ZNF765: variants seen among roughly 807,000 people sequenced by gnomAD.
The protein encoded by ZNF765 is zinc finger protein 765.
A neutral mutation model predicts 44.7 loss-of-function variants in ZNF765; 37 were observed. The ratio of observed to expected loss-of-function variants is 0.83; its 90% CI spans 0.64 to 1.09. The LOEUF (loss-of-function observed/expected upper bound fraction) is 1.09. ZNF765 is among the 50% of genes least tolerant of loss of function. The pLI, the probability that ZNF765 is intolerant of heterozygous loss-of-function variation, is 0.00. For synonymous variants in ZNF765, 201 were observed against 213.7 expected (o/e 0.94, Z 0.52); for missense variants, 594 against 626.1 (o/e 0.95, Z 0.55).
downstream of ZNF765, among the ~76,000 whole-genome samples, chr19:53,412,848 T>C (rs1458225933): frequency 6.6e-6 from 1 of 152,034 alleles, no homozygotes; most frequent in Non-Finnish European, 1.5e-5. Context: ...AAAATTAACC[T>C]TGTTTGTGCC....
intron 2 of ZNF765, among the ~76,000 whole-genome samples, chr19:53,398,829 A>C (rs1336488327): frequency 6.6e-6 from 1 of 152,136 alleles, no homozygotes; most frequent in Non-Finnish European, 1.5e-5. Flanking sequence ...GGCTCACAGC[A>C]ACCTCCACCT....
intron 1 of ZNF765, 137 bp from the exon 2 acceptor site, chr19:53,397,806 G>A: frequency 1.1e-6 from 1 of 894,896 alleles, no homozygotes; most frequent in South Asian, 1.9e-5. Context: ...TCCTGTAGGA[G>A]TTTATTGTCC....
At position 53,410,508 on chromosome 19, in the gene ZNF765, A is replaced by G. The variant is rs1046911421; in HGVS notation, c.*1381A>G. 5.0e-6 allele frequency: 2 copies of G among 397,966 alleles called. No homozygotes were observed. The highest frequency in any genetic ancestry group is 1.0e-5 in the Non-Finnish European group (2 of 198,134). 24.7% of individuals were successfully genotyped at this position (397,966 alleles called of 1,614,324 possible). On this transcript the variant is annotated 3_prime_UTR_variant, in exon 4 of 4. Coordinates refer to ENST00000396408, the MANE Select transcript of ZNF765 (RefSeq NM_001040185.3). ...ATTCACATTGGAGAGAAAGCTTACA[A>G]GTATAATGAATGTGACAGGTCTTTA...
In ZNF765 at chr19:53,409,747, A is replaced by AT. The variant is rs2085815905; in HGVS notation, c.*621dup. The AT allele has an allele frequency of 1.1e-6, 1 of 900,712 alleles. No individual in the cohort carries two copies. The highest frequency in any genetic ancestry group is 1.8e-6 in the Non-Finnish European group (1 of 543,816). The allele number at this position is 900,712 out of a possible 1,614,324, so 55.8% of individuals were successfully genotyped here. ...CCTTTAGTCAGAACTCATACCTTAC[A>AT]TGCCATCATAGACTTCATACTGGAG... is the stretch of plus-strand genomic sequence containing the variant. On this transcript the variant is annotated 3_prime_UTR_variant, in exon 4 of 4. Transcript: ENST00000396408.
chr19:53,421,032 G>T (rs1311645886), intron 3 of ZNF765, among the ~76,000 whole-genome samples: 3 of 152,140 alleles, frequency 2.0e-5, no homozygotes, highest in African/African-American at 7.2e-5. Context: ...CTCATCCCTG[G>T]GAATGGAATG....
chr19:53,413,102 C>T (rs182947541), downstream of ZNF765: 1,382 of 367,540 alleles, frequency 3.8e-3, 17 homozygotes, highest in African/African-American at 0.034. Context: ...AAGAGCGAAA[C>T]TTTGTCTCAA....
At chr19:53,396,020 A>C (rs1386446444) in intron 1 of ZNF765, among the ~76,000 whole-genome samples, 1 of 151,860 alleles carries the variant, frequency 6.6e-6, no homozygotes, top group Non-Finnish European at 1.5e-5. Flanking sequence ...AAGGAGGAGA[A>C]AAGCAACTGG....
chr19:53,409,494 C>T lies in ZNF765; in HGVS notation c.*367C>T. Reference sequence around the variant, plus strand: ...GCAAGACCTTCAGCCAGACCTCATCCCTTACATGCCATTGTAGACTTCGTA... The same window carrying T: ...GCAAGACCTTCAGCCAGACCTCATCTCTTACATGCCATTGTAGACTTCGTA... On this transcript the variant is annotated 3_prime_UTR_variant, in exon 4 of 4. Transcript: ENST00000396408. 2 of 950,420 alleles carry T rather than the reference C, an allele frequency of 2.1e-6. No individual in the cohort carries two copies. The highest frequency in any genetic ancestry group is 3.4e-6 in the Non-Finnish European group (2 of 580,952). The allele number at this position is 950,420 out of a possible 1,614,324, so 58.9% of individuals were successfully genotyped here.
At chr19:53,407,165 A>G (rs2147096513) in intron 3 of ZNF765, among the ~76,000 whole-genome samples, 1 of 152,208 alleles carries the variant, frequency 6.6e-6, no homozygotes, top group Non-Finnish European at 1.5e-5. Context: ...AAAATTTGGG[A>G]CTAAAAAAGA....
chr19:53,413,600 GTTTTT>G (rs61360964), downstream of ZNF765, among the ~76,000 whole-genome samples: 4 of 138,798 alleles, frequency 2.9e-5, no homozygotes, highest in Non-Finnish European at 4.6e-5. Context: ...TGCTTTTTAG[GTTTTT>G]TTTTTTTTTT....
chr19:53,402,326 G>T (rs1228673807), intron 3 of ZNF765, 135 bp downstream of exon 3: 5 of 1,433,646 alleles, frequency 3.5e-6, no homozygotes, highest in Non-Finnish European at 4.6e-6. Context: ...GCATGATCTC[G>T]GCTCACGGCC....
chr19:53,426,880 G>C (rs2085943012), exon 4 of ZNF765: 1 of 151,798 alleles, frequency 6.6e-6, no homozygotes, highest in South Asian at 2.1e-4. Flanking sequence ...ACGTGGTTGA[G>C]AAGCATCAGA....
At chr19:53,419,063 A>C (rs2085892316) in intron 3 of ZNF765, among the ~76,000 whole-genome samples, 1 of 152,150 alleles carries the variant, frequency 6.6e-6, no homozygotes, top group Non-Finnish European at 1.5e-5. Context: ...TGGGGACTGT[A>C]GACCCTATAC....
Position 53,409,872 on chromosome 19 carries a change from A to T in ZNF765, c.*745A>T, listed in dbSNP as rs2085817445. 3.0e-6 allele frequency: 2 copies of T among 656,610 alleles called. No individual in the cohort carries two copies. The highest frequency in any genetic ancestry group is 6.8e-5 in the East Asian group (2 of 29,436). The allele number at this position is 656,610 out of a possible 1,614,324, so 40.7% of individuals were successfully genotyped here. A position where few individuals can be genotyped will look rare whatever the true frequency, so the allele number is the denominator to read the frequency against. On this transcript the variant is annotated 3_prime_UTR_variant, in exon 4 of 4. Coordinates refer to ENST00000396408, the MANE Select transcript of ZNF765 (RefSeq NM_001040185.3). ...CATACTGGAGAGGTACCTTACAAGGATAATGAGTGTAGAAAAACCTTTCAT... is the reference window on the plus strand; with the variant it reads ...CATACTGGAGAGGTACCTTACAAGGTTAATGAGTGTAGAAAAACCTTTCAT...
Position 53,409,829 on chromosome 19 carries a change from A to C in ZNF765, c.*702A>C. ...GACCTTTAGTCTGAAGTCATACCTT[A>C]CGCACCATCGTAGACTTCATACTGG... is the stretch of plus-strand genomic sequence containing the variant. On this transcript the variant is annotated 3_prime_UTR_variant, in exon 4 of 4. Coordinates refer to ENST00000396408, the MANE Select transcript of ZNF765 (RefSeq NM_001040185.3). The C allele has an allele frequency of 1.4e-6, 1 of 701,868 alleles. No homozygotes were observed. The highest frequency in any genetic ancestry group is 2.7e-6 in the Non-Finnish European group (1 of 374,926). 43.5% of individuals were successfully genotyped at this position (701,868 alleles called of 1,614,324 possible).
chr19:53,423,610 G>A (rs1454966620), exon 4 of ZNF765: 7 of 279,628 alleles, frequency 2.5e-5, no homozygotes, highest in Non-Finnish European at 4.2e-5. Flanking sequence ...AATGATCAGT[G>A]CAGGTTTCCC....
chr19:53,397,797 CCT>C (rs2085685516), intron 1 of ZNF765, 144 bp from the exon 2 acceptor site: 1 of 833,196 alleles, frequency 1.2e-6, no homozygotes, highest in African/African-American at 1.7e-5. Flanking sequence ...TGGGAGTTTT[CCT>C]GTAGGAGTTT....
At chr19:53,403,346 T>C (rs534880803) in intron 3 of ZNF765, among the ~76,000 whole-genome samples, 3 of 152,328 alleles carry the variant, frequency 2.0e-5, no homozygotes, top group African/African-American at 7.2e-5. Flanking sequence ...TGTTACATAT[T>C]ATCTGTATTT....
exon 4 of ZNF765, chr19:53,424,213 G>C (rs2085924731): frequency 1.3e-5 from 2 of 151,740 alleles, no homozygotes; most frequent in South Asian, 4.2e-4. Context: ...ACTTTGGAGG[G>C]CCGAAGCAGA....
Sources: allele counts gnomAD v4.1 joint callset (sites outside exome capture counted in the v4.1 genomes callset), GRCh38; gene constraint gnomAD v4.1.1; transcripts MANE v1.5; gene names NCBI Gene and HGNC (gene_info 2026-07-23, HGNC 2026-07-21).